SLC22A16: variants seen among roughly 807,000 people sequenced by gnomAD.
The protein encoded by SLC22A16 is WUGSC:RG331P03.1.
SLC22A16 carries 53 observed loss-of-function variants against 52.9 expected under a neutral mutation model. That is an observed-to-expected ratio of 1.00 (90% CI 0.80 to 1.26). The LOEUF (loss-of-function observed/expected upper bound fraction) is 1.26, where lower values mean the gene tolerates loss of function less well. Among genes scored for constraint, SLC22A16 ranks in the 50% most tolerant of loss-of-function variants. The pLI is 0.00. For missense variants in SLC22A16, 726 were observed against 704.0 expected (o/e 1.03, Z -0.35); for synonymous variants, 291 against 268.8 (o/e 1.08, Z -0.81).
At chr6:110,439,854 CA>C (rs1441653099) in intron 4 of SLC22A16, 1 of 152,088 alleles carries the variant, frequency 6.6e-6, no homozygotes, top group Non-Finnish European at 1.5e-5. Context: ...AGAAGTACAA[CA>C]ACATAAATTA....
chr6:110,435,150 G>C (rs1419485525), intron 6 of SLC22A16, among the ~76,000 whole-genome samples: 1 of 152,072 alleles, frequency 6.6e-6, no homozygotes, highest in Non-Finnish European at 1.5e-5. Context: ...TGATGTTATG[G>C]GCTAAGTTGT....
Position 110,438,848 on chromosome 6 carries a change from C to G in SLC22A16, c.1184-1G>C. On this transcript the variant is annotated splice_acceptor_variant, in intron 4 of 7. Coordinates refer to ENST00000368919, the MANE Select transcript of SLC22A16 (RefSeq NM_033125.4). LOFTEE classifies it high-confidence loss of function. Reference sequence around the variant, plus strand: ...GTGTAGGCGGGAATTTCCACTACACCTGTCATTGAGCAAGCAGCCCTCTAT... The same window carrying G: ...GTGTAGGCGGGAATTTCCACTACACGTGTCATTGAGCAAGCAGCCCTCTAT... 6.2e-7 allele frequency: 1 copy of G among 1,613,828 alleles called. No homozygotes were observed.
At chr6:110,431,379 G>A (rs1562276930) in intron 6 of SLC22A16, 109 bp from the exon 7 acceptor site, 4 of 897,470 alleles carry the variant, frequency 4.5e-6, no homozygotes, top group Non-Finnish European at 7.0e-6. Context: ...GGATAAGGGT[G>A]GTCAGGCAGC....
intron 2 of SLC22A16, among the ~76,000 whole-genome samples, chr6:110,449,119 C>A (rs1264292021): frequency 1.3e-5 from 2 of 152,140 alleles, no homozygotes; most frequent in Non-Finnish European, 2.9e-5. Context: ...CCAGGTGCAA[C>A]CAACTTTTCT....
chr6:110,427,265 G>GA (rs1221374329), intron 7 of SLC22A16, among the ~76,000 whole-genome samples: 2 of 116,828 alleles, frequency 1.7e-5, no homozygotes, highest in Non-Finnish European at 3.5e-5. Flanking sequence ...AAAAAAAAAA[G>GA]AAAAAAAAGA....
At chr6:110,459,331 A>C (rs191478653) in intron 1 of SLC22A16, among the ~76,000 whole-genome samples, 171 of 152,356 alleles carry the variant, frequency 1.1e-3, no homozygotes, top group African/African-American at 4.0e-3. Context: ...ATGAAGGTTA[A>C]CATCCCCAGT....
rs551559786 is a variant in SLC22A16 at position 110,425,739 on chromosome 6, G to A, written c.1522-654C>T. 3.9e-5 allele frequency among the ~76,000 whole-genome samples: 6 copies of A among 152,310 alleles called. No individual in the cohort carries two copies. The South Asian group carries it at 6.2e-4, about 16-fold the overall frequency. On this transcript the variant is annotated intron_variant, in intron 7 of 7. Coordinates refer to ENST00000368919, the MANE Select transcript of SLC22A16 (RefSeq NM_033125.4). Reference sequence around the variant, plus strand: ...ATAAAAGGCAGCCTTTTAGACTAGCGCCAAGGCGTTTGCTTTTAAAAATGC... The same window carrying A: ...ATAAAAGGCAGCCTTTTAGACTAGCACCAAGGCGTTTGCTTTTAAAAATGC...
intron 2 of SLC22A16, among the ~76,000 whole-genome samples, chr6:110,452,019 T>A (rs1775398125): frequency 1.3e-5 from 2 of 152,230 alleles, no homozygotes; most frequent in African/African-American, 4.8e-5. Flanking sequence ...TAATGATTGA[T>A]CCTTTTCCTG....
At chr6:110,463,890 C>T (rs544888695) in intron 1 of SLC22A16, among the ~76,000 whole-genome samples, 18 of 150,442 alleles carry the variant, frequency 1.2e-4, no homozygotes, top group Non-Finnish European at 2.7e-4. Flanking sequence ...TATGCTTGCC[C>T]ATAAAGCAAG....
intron 3 of SLC22A16, among the ~76,000 whole-genome samples, chr6:110,445,546 C>T (rs1775137101): frequency 6.6e-6 from 1 of 152,186 alleles, no homozygotes; most frequent in Non-Finnish European, 1.5e-5. Context: ...CTCCCATCCA[C>T]AGAATTCCCC....
chr6:110,445,528 G>T (rs1339690962), intron 3 of SLC22A16, among the ~76,000 whole-genome samples: 1 of 152,088 alleles, frequency 6.6e-6, no homozygotes, highest in African/African-American at 2.4e-5. Flanking sequence ...AAATGAATCT[G>T]CCTGCATCTC....
chr6:110,436,186 A>G (rs756562190), intron 5 of SLC22A16, among the ~76,000 whole-genome samples: 1 of 152,096 alleles, frequency 6.6e-6, no homozygotes, highest in African/African-American at 2.4e-5. Context: ...TCTTCTCCCC[A>G]TCCACTTTGG....
rs925656191 is a variant in SLC22A16, at chr6:110,433,909, C to T, written c.1421+1943G>A. Among the ~76,000 whole-genome samples, 24 of 152,124 alleles carry T rather than the reference C, an allele frequency of 1.6e-4. 1 individual carries two copies. The highest frequency in any genetic ancestry group is 5.3e-4 in the African/African-American group (22 of 41,410). ...AGTGTGACCCTAATCACTATTTACACTTTAAAATACAGGATCATTTTGCAA... is the reference window on the plus strand; with the variant it reads ...AGTGTGACCCTAATCACTATTTACATTTTAAAATACAGGATCATTTTGCAA... On this transcript the variant is annotated intron_variant, in intron 6 of 7. Coordinates refer to ENST00000368919, the MANE Select transcript of SLC22A16 (RefSeq NM_033125.4).
intron 2 of SLC22A16, among the ~76,000 whole-genome samples, chr6:110,448,272 G>A (rs373879161): frequency 8.5e-5 from 13 of 152,138 alleles, no homozygotes; most frequent in East Asian, 3.8e-4. Context: ...CTTTTCAAGC[G>A]CGTATTGGCT....
At chr6:110,436,500 C>A (rs1218595633) in intron 5 of SLC22A16, among the ~76,000 whole-genome samples, 1 of 152,130 alleles carries the variant, frequency 6.6e-6, no homozygotes, top group Non-Finnish European at 1.5e-5. Context: ...ATGGTACATG[C>A]CTGTGGTCCC....
At chr6:110,453,386 T>C (rs1775457659) in intron 2 of SLC22A16, among the ~76,000 whole-genome samples, 1 of 152,176 alleles carries the variant, frequency 6.6e-6, no homozygotes, top group Non-Finnish European at 1.5e-5. Context: ...TTTATGAGAA[T>C]CCTCTCAGGC....
In SLC22A16 at chr6:110,469,107, A is replaced by G. The variant is rs9487421; in HGVS notation, c.53+7415T>C. Among the ~76,000 whole-genome samples, 1,246 of 152,322 alleles carry G rather than the reference A, an allele frequency of 8.2e-3. 17 individuals are homozygous for G. Among genetic ancestry groups the G allele is most frequent in the African/African-American group, 0.028 (1,183 of 41,562 alleles). ...GTGCCATCCAGTCTGCTTCTATTGC[A>G]CAGATTGTAGATGGGCTTCATCTTA... On this transcript the variant is annotated intron_variant, in intron 1 of 7. Transcript: ENST00000368919.
chr6:110,470,485 C>G (rs1219096906), intron 1 of SLC22A16, among the ~76,000 whole-genome samples: 1 of 152,116 alleles, frequency 6.6e-6, no homozygotes, highest in Non-Finnish European at 1.5e-5. Context: ...CTTACTTCCC[C>G]CATCCTTCCC....
chr6:110,455,140 A>G (rs1775598826), intron 2 of SLC22A16, among the ~76,000 whole-genome samples: 1 of 147,830 alleles, frequency 6.8e-6, no homozygotes, highest in African/African-American at 2.5e-5. Context: ...TACCAAGTTC[A>G]GACAAAGGAA....
Sources: gnomAD v4.1 joint callset for allele counts (sites outside exome capture counted in the v4.1 genomes callset) on GRCh38, gnomAD v4.1.1 for gene constraint, MANE v1.5 for transcripts, NCBI Gene and HGNC (gene_info 2026-07-23, HGNC 2026-07-21) for gene names.